The following CCSER1 variants were observed in gnomAD, a reference collection of about 807,000 sequenced individuals.
CCSER1 encodes the protein coiled-coil serine rich protein 1, also known as serine-rich coiled-coil domain-containing protein 1.
In CCSER1, 41 loss-of-function variants were observed where a neutral mutation model predicts 82.0. The observed-to-expected ratio is 0.50, with a 90% CI of 0.39 to 0.65. The LOEUF is 0.65. Among genes scored for constraint, CCSER1 ranks in the 30% least tolerant of loss-of-function variants. CCSER1 has a pLI of 0.00. For missense variants in CCSER1, 1,119 were observed against 1,064.2 expected (o/e 1.05, Z -0.72); for synonymous variants, 414 against 383.9 (o/e 1.08, Z -0.92).
intron 10 of CCSER1, among the ~76,000 whole-genome samples, chr4:91,553,931 A>T (rs1442965929): frequency 1.3e-5 from 2 of 150,178 alleles, no homozygotes; most frequent in African/African-American, 4.9e-5. Context: ...TTTTTCTTCT[A>T]ATTTTCAGCT....
At chr4:90,567,305 G>C (rs1779518881) in intron 5 of CCSER1, among the ~76,000 whole-genome samples, 1 of 135,730 alleles carries the variant, frequency 7.4e-6, no homozygotes, top group Non-Finnish European at 1.5e-5. Flanking sequence ...TTTTGTCTCT[G>C]GATTTTTTTT....
intron 5 of CCSER1, among the ~76,000 whole-genome samples, chr4:90,611,948 T>G (rs536399474): frequency 2.0e-5 from 3 of 151,722 alleles, no homozygotes; most frequent in African/African-American, 7.2e-5. Flanking sequence ...CTCACAGATA[T>G]CAGATACTCA....
chr4:91,447,058 A>G (rs1265857560), intron 10 of CCSER1, among the ~76,000 whole-genome samples: 2 of 152,134 alleles, frequency 1.3e-5, no homozygotes, highest in Admixed American at 6.6e-5. Flanking sequence ...AATGCTTGAC[A>G]TGTGGCATCA....
intron 4 of CCSER1, among the ~76,000 whole-genome samples, chr4:90,418,426 A>T (rs12331411): frequency 0.057 from 8,662 of 152,026 alleles, 320 homozygotes; most frequent in African/African-American, 0.099. Flanking sequence ...CATGCAACTA[A>T]TTTTTATCAT....
intron 1 of CCSER1, among the ~76,000 whole-genome samples, chr4:90,140,439 C>G (rs779859351): frequency 2.6e-5 from 4 of 152,094 alleles, no homozygotes; most frequent in Non-Finnish European, 5.9e-5. Flanking sequence ...AGATTACATT[C>G]TTCTTTGACA....
At chr4:90,215,665 A>C (rs1043377300) in intron 1 of CCSER1, among the ~76,000 whole-genome samples, 5 of 152,230 alleles carry the variant, frequency 3.3e-5, no homozygotes, top group Non-Finnish European at 5.9e-5. Context: ...TGTGGGTCAA[A>C]GTATCTGCTT....
intron 10 of CCSER1, among the ~76,000 whole-genome samples, chr4:91,118,338 T>C (rs980469654): frequency 1.4e-5 from 2 of 144,802 alleles, no homozygotes; most frequent in Non-Finnish European, 3.0e-5. Flanking sequence ...CAGGCTAGAG[T>C]GTAATGGCTC....
chr4:90,319,277 A>C (rs1736698043), intron 3 of CCSER1, among the ~76,000 whole-genome samples: 1 of 152,174 alleles, frequency 6.6e-6, no homozygotes, highest in Non-Finnish European at 1.5e-5. Flanking sequence ...CCGCCAAGCA[A>C]AAGAATCCCA....
chr4:90,578,534 C>G (rs1369903942), intron 5 of CCSER1, among the ~76,000 whole-genome samples: 1 of 152,064 alleles, frequency 6.6e-6, no homozygotes, highest in Non-Finnish European at 1.5e-5. Flanking sequence ...TTATAATTCT[C>G]TTAGAGAATA....
intron 10 of CCSER1, among the ~76,000 whole-genome samples, chr4:91,375,519 CTTTT>C (rs35891064): frequency 7.3e-6 from 1 of 137,048 alleles, no homozygotes; most frequent in Non-Finnish European, 1.6e-5. Context: ...TCACTGTTGT[CTTTT>C]TTTTTTTTTT....
At chr4:91,243,954 A>G (rs1020506584) in intron 10 of CCSER1, among the ~76,000 whole-genome samples, 7 of 152,152 alleles carry the variant, frequency 4.6e-5, no homozygotes, top group Admixed American at 1.3e-4. Flanking sequence ...AGCAATAAGC[A>G]AGCTCTTGGG....
At chr4:90,239,071 G>A (rs1035217327) in intron 1 of CCSER1, among the ~76,000 whole-genome samples, 2 of 152,138 alleles carry the variant, frequency 1.3e-5, no homozygotes, top group Non-Finnish European at 2.9e-5. Flanking sequence ...GGCTGGTTCC[G>A]AACTCCTGAC....
At chr4:90,656,593 C>T (rs1450514353) in intron 6 of CCSER1, among the ~76,000 whole-genome samples, 2 of 151,738 alleles carry the variant, frequency 1.3e-5, no homozygotes, top group Non-Finnish European at 1.5e-5. Flanking sequence ...TGGTAAAATT[C>T]AGATTTAAAA....
At chr4:90,484,820 G>T (rs952394305) in intron 5 of CCSER1, among the ~76,000 whole-genome samples, 40 of 152,348 alleles carry the variant, frequency 2.6e-4, no homozygotes, top group African/African-American at 8.9e-4. Context: ...CTACTCGGGG[G>T]TTAGGGACCC....
chr4:90,146,378 A>T lies in CCSER1; in HGVS notation c.-42+18547A>T, dbSNP rs1216974132. Reference sequence around the variant, plus strand: ...TTGTTCTCATGTTTAAATTTAACAAATGTAAAGGGCATGATCTTTAGATCA... The same window carrying T: ...TTGTTCTCATGTTTAAATTTAACAATTGTAAAGGGCATGATCTTTAGATCA... On this transcript the variant is annotated intron_variant, in intron 1 of 10. Coordinates refer to ENST00000509176, the MANE Select transcript of CCSER1 (RefSeq NM_001145065.2). Among the ~76,000 whole-genome samples the T allele has an allele frequency of 2.0e-5, 3 of 152,058 alleles. No homozygotes were observed. In the East Asian group the frequency reaches 5.8e-4, roughly 29 times the overall value.
At chr4:91,034,786 G>A (rs1015337862) in intron 9 of CCSER1, among the ~76,000 whole-genome samples, 4 of 151,940 alleles carry the variant, frequency 2.6e-5, no homozygotes, top group African/African-American at 9.7e-5. Flanking sequence ...AAAAATGTTA[G>A]TTACAATTCC....
At chr4:91,523,742 C>T (rs927174647) in intron 10 of CCSER1, among the ~76,000 whole-genome samples, 3 of 151,902 alleles carry the variant, frequency 2.0e-5, no homozygotes, top group Non-Finnish European at 4.4e-5. Flanking sequence ...ATTTTTATTG[C>T]GTCCATTTGA....
At chr4:91,317,070 T>C (rs1292724729) in intron 10 of CCSER1, among the ~76,000 whole-genome samples, 2 of 152,060 alleles carry the variant, frequency 1.3e-5, no homozygotes, top group Non-Finnish European at 2.9e-5. Flanking sequence ...AGAGAAATGA[T>C]AAATGTGTGG....
chr4:91,152,815 A>G (rs1377424100), intron 10 of CCSER1, among the ~76,000 whole-genome samples: 1 of 149,356 alleles, frequency 6.7e-6, no homozygotes, highest in Non-Finnish European at 1.5e-5. Context: ...TGAGTTGAAG[A>G]TTCTTTTCTT....
Sources: gnomAD v4.1 joint callset for allele counts (sites outside exome capture counted in the v4.1 genomes callset) on GRCh38, gnomAD v4.1.1 for gene constraint, MANE v1.5 for transcripts, NCBI Gene and HGNC (gene_info 2026-07-23, HGNC 2026-07-21) for gene names.